Variants in NOS1 observed in about 807,000 individuals in gnomAD.
NOS1 encodes NOS type I.
NOS1 carries 51 observed loss-of-function variants against 164.5 expected under a neutral mutation model. The observed-to-expected ratio is 0.31, with a 90% CI of 0.25 to 0.39. The LOEUF is 0.39. NOS1 is among the 10% of genes least tolerant of loss of function. The pLI is 1.00. For missense variants in NOS1, 1,362 were observed against 1,885.6 expected (o/e 0.72, Z 5.14); for synonymous variants, 719 against 745.8 (o/e 0.96, Z 0.59).
chr12:117,301,107 T>C (rs910173206), intron 3 of NOS1, among the ~76,000 whole-genome samples: 1 of 152,204 alleles, frequency 6.6e-6, no homozygotes, highest in Non-Finnish European at 1.5e-5. Flanking sequence ...GGCTGTGAAC[T>C]GCTCCAGGGC....
chr12:117,230,442 T>TA (rs1336621308), intron 22 of NOS1, among the ~76,000 whole-genome samples: 3 of 152,240 alleles, frequency 2.0e-5, no homozygotes, highest in Non-Finnish European at 4.4e-5. Flanking sequence ...GGTAACTACT[T>TA]ACAGCCCTTT....
At chr12:117,344,987 G>T (rs1876278189) in intron 1 of NOS1, among the ~76,000 whole-genome samples, 1 of 150,446 alleles carries the variant, frequency 6.6e-6, no homozygotes, top group South Asian at 2.1e-4. Flanking sequence ...GGGCTATTAT[G>T]ATTAATTCTT....
intron 17 of NOS1, among the ~76,000 whole-genome samples, chr12:117,252,323 T>C (rs9658450): frequency 0.058 from 8,782 of 152,210 alleles, 798 homozygotes; most frequent in African/African-American, 0.19. Context: ...AAATGTTCAT[T>C]GGTAAGAAAA....
chr12:117,338,626 A>T (rs138672236), intron 1 of NOS1, among the ~76,000 whole-genome samples: 11 of 151,766 alleles, frequency 7.2e-5, no homozygotes, highest in East Asian at 3.9e-4. Flanking sequence ...TAATAAAATT[A>T]AAAAAATCTA....
intron 1 of NOS1, among the ~76,000 whole-genome samples, chr12:117,337,268 A>G (rs1373192274): frequency 1.3e-5 from 2 of 151,824 alleles, no homozygotes; most frequent in African/African-American, 4.8e-5. Flanking sequence ...GACATGTGCT[A>G]CCATGCCCGG....
At chr12:117,287,284 T>C (rs1031670988) in intron 5 of NOS1, among the ~76,000 whole-genome samples, 38 of 152,318 alleles carry the variant, frequency 2.5e-4, no homozygotes, top group African/African-American at 8.9e-4. Context: ...CAATTTATCC[T>C]TTCTTTTGCT....
At chr12:117,260,840 C>G (rs776670809) in intron 13 of NOS1, among the ~76,000 whole-genome samples, 17 of 151,602 alleles carry the variant, frequency 1.1e-4, no homozygotes, top group Non-Finnish European at 1.2e-4. Context: ...TTTAACTTCT[C>G]TAGAGATAAT....
chr12:117,274,807 T>C (rs1307856777), intron 9 of NOS1, among the ~76,000 whole-genome samples: 1 of 143,020 alleles, frequency 7.0e-6, no homozygotes, highest in Admixed American at 7.0e-5. Context: ...GACATTAACA[T>C]GTCAAAGTGA....
In NOS1 at chr12:117,208,502, G is replaced by A. The variant is rs1168461692; in HGVS notation, c.*6807C>T. On this transcript the variant is annotated 3_prime_UTR_variant, in exon 29 of 29. Transcript: ENST00000317775. The stretch of plus-strand genomic sequence containing the variant: ...ACTGCGACGTGGGGTGCCCGGCACC[G>A]CTCTTTGGGCCTTCTGGAAAACCAC... 17 of 1,235,268 alleles carry A rather than the reference G, an allele frequency of 1.4e-5. No homozygotes were observed. The highest frequency in any genetic ancestry group is 3.5e-4 in the Middle Eastern group (1 of 2,838). The allele number at this position is 1,235,268 out of a possible 1,614,324, so 76.5% of individuals were successfully genotyped here.
intron 3 of NOS1, among the ~76,000 whole-genome samples, chr12:117,305,324 C>A (rs1189639123): frequency 6.6e-6 from 1 of 151,986 alleles, no homozygotes; most frequent in African/African-American, 2.4e-5. Context: ...ATTAGCCGGA[C>A]GTGGTGGTGG....
intron 28 of NOS1, 49 bp downstream of exon 28, chr12:117,217,997 A>C: frequency 7.4e-7 from 1 of 1,346,194 alleles, no homozygotes; most frequent in Non-Finnish European, 1.1e-6. Flanking sequence ...AGTGGGACCT[A>C]GAAGAGAGGG....
At chr12:117,236,731 C>T (rs191485644) in intron 20 of NOS1, among the ~76,000 whole-genome samples, 1 of 152,332 alleles carries the variant, frequency 6.6e-6, no homozygotes, top group Admixed American at 6.5e-5. Flanking sequence ...TTGAAAGGCC[C>T]GCAAATCAAT....
intron 26 of NOS1, among the ~76,000 whole-genome samples, chr12:117,221,142 A>T (rs928033879): frequency 3.3e-5 from 5 of 150,250 alleles, no homozygotes; most frequent in Non-Finnish European, 5.9e-5. Context: ...TTATTTATTT[A>T]TTTATTTATT....
At chr12:117,300,326 C>T (rs1873733360) in intron 3 of NOS1, among the ~76,000 whole-genome samples, 1 of 152,216 alleles carries the variant, frequency 6.6e-6, no homozygotes, top group Non-Finnish European at 1.5e-5. Flanking sequence ...CAGACCTGGA[C>T]AACAGTTGGG....
chr12:117,230,300 C>T (rs1869104470), intron 22 of NOS1, among the ~76,000 whole-genome samples: 1 of 152,168 alleles, frequency 6.6e-6, no homozygotes, highest in Non-Finnish European at 1.5e-5. Context: ...GCCACCCTCC[C>T]CCATTAATTA....
Position 117,263,457 on chromosome 12 carries a change from C to T in NOS1, c.2222+432G>A, listed in dbSNP as rs554287334. On this transcript the variant is annotated intron_variant, in intron 13 of 28. Transcript: ENST00000317775. ...GACTAGCCTGTGCAACAAAGTGAGA[C>T]GCCTCCAGCCTGGGGAACAGACCCT... Among the ~76,000 whole-genome samples the T allele has an allele frequency of 5.3e-5, 8 of 151,594 alleles. No individual in the cohort carries two copies. In the East Asian group the frequency reaches 5.8e-4, roughly 11 times the overall value.
intron 8 of NOS1, among the ~76,000 whole-genome samples, chr12:117,278,790 T>C (rs7961049): frequency 0.34 from 51,523 of 149,426 alleles, 9,078 homozygotes; most frequent in Middle Eastern, 0.4. Context: ...TAAAGTTCAA[T>C]AATGTCCTTG....
intron 5 of NOS1, 53 bp downstream of exon 5, chr12:117,288,021 T>C: frequency 1.2e-6 from 2 of 1,605,620 alleles, no homozygotes; most frequent in Non-Finnish European, 1.7e-6. Context: ...GACATCTTTC[T>C]CTCCAGCATT....
intron 17 of NOS1, among the ~76,000 whole-genome samples, chr12:117,251,519 C>T (rs893123322): frequency 6.6e-6 from 1 of 151,964 alleles, no homozygotes; most frequent in Admixed American, 6.6e-5. Context: ...CTCATGCAAT[C>T]CCCCCACCAC....
Sources: allele counts gnomAD v4.1 joint callset (sites outside exome capture counted in the v4.1 genomes callset), GRCh38; gene constraint gnomAD v4.1.1; transcripts MANE v1.5; gene names NCBI Gene and HGNC (gene_info 2026-07-23, HGNC 2026-07-21).